Variants in JHY observed in about 807,000 individuals in gnomAD.
The protein encoded by JHY is junctional cadherin complex regulator.
A neutral mutation model predicts 78.0 loss-of-function variants in JHY; 69 were observed. That is an observed-to-expected ratio of 0.88 (90% CI 0.73 to 1.08). The LOEUF (loss-of-function observed/expected upper bound fraction) is 1.08. Among genes scored for constraint, JHY ranks in the 50% least tolerant of loss-of-function variants. The pLI is 0.00. For synonymous variants in JHY, 368 were observed against 342.6 expected (o/e 1.07, Z -0.82); for missense variants, 944 against 927.8 (o/e 1.02, Z -0.23).
Position 122,956,594 on chromosome 11 carries a change from A to G in JHY, c.2010+18A>G. ...GAGACAAAGTGAGTGAGATGCACAT[A>G]CAGTGTTTCCAGACCTGACTCAGCC... On this transcript the variant is annotated intron_variant, in intron 7 of 8. Transcript: ENST00000227349. 1 of 1,609,978 alleles carries G rather than the reference A, an allele frequency of 6.2e-7. No individual in the cohort carries two copies. The highest frequency in any genetic ancestry group is 8.5e-7 in the Non-Finnish European group (1 of 1,176,976).
At chr11:122,952,154 C>A (rs1332866214) in intron 6 of JHY, among the ~76,000 whole-genome samples, 1 of 151,898 alleles carries the variant, frequency 6.6e-6, no homozygotes, top group Non-Finnish European at 1.5e-5. Context: ...GCGGAGGGGG[C>A]AAAGGGAGTA....
intron 6 of JHY, among the ~76,000 whole-genome samples, chr11:122,953,085 T>G (rs1032691273): frequency 6.6e-6 from 1 of 152,218 alleles, no homozygotes; most frequent in Non-Finnish European, 1.5e-5. Flanking sequence ...ACATATTCAT[T>G]TTATTTCAAT....
chr11:122,957,645 T>G (rs1406606286), intron 8 of JHY, among the ~76,000 whole-genome samples, 154 bp downstream of exon 8: 1 of 147,678 alleles, frequency 6.8e-6, no homozygotes, highest in African/African-American at 2.5e-5. Context: ...TCCTCCAAAC[T>G]AAGCCTCCCC....
In JHY at chr11:122,934,976, AGTTT is replaced by A. The variant is rs1162953136; in HGVS notation, c.1540_1543del (p.Val514IlefsTer3). 6.2e-7 allele frequency: 1 copy of A among 1,614,044 alleles called. No homozygotes were observed. Among genetic ancestry groups the A allele is most frequent in the Admixed American group, 1.7e-5 (1 of 60,012 alleles). On this transcript the variant is annotated frameshift_variant, in exon 5 of 9. Transcript: ENST00000227349. LOFTEE classifies it high-confidence loss of function. ...GTGCTCCTGAGCCAGAAAGGCTCTCAGTTTGTTTATCACATAAATACTCATGGAT... is the reference window on the plus strand; with the variant it reads ...GTGCTCCTGAGCCAGAAAGGCTCTCAGTTTATCACATAAATACTCATGGAT...
At chr11:122,910,887 A>G (rs1432568288) in intron 3 of JHY, among the ~76,000 whole-genome samples, 1 of 152,186 alleles carries the variant, frequency 6.6e-6, no homozygotes, top group Admixed American at 6.5e-5. Flanking sequence ...ATTAACATAC[A>G]TTGGAAAAAT....
At chr11:122,949,695 G>A (rs1244968584) in intron 6 of JHY, among the ~76,000 whole-genome samples, 2 of 151,844 alleles carry the variant, frequency 1.3e-5, no homozygotes, top group Admixed American at 6.6e-5. Flanking sequence ...CCAACTTCAC[G>A]CTCTCATGTC....
intron 5 of JHY, among the ~76,000 whole-genome samples, chr11:122,939,266 G>A (rs934571536): frequency 6.6e-6 from 1 of 152,078 alleles, no homozygotes; most frequent in Non-Finnish European, 1.5e-5. Flanking sequence ...GATTACAGGC[G>A]TGAGCCACCG....
At chr11:122,887,416 G>A (rs568793078) in intron 2 of JHY, among the ~76,000 whole-genome samples, 115 of 152,204 alleles carry the variant, frequency 7.6e-4, no homozygotes, top group Non-Finnish European at 1.3e-3. Flanking sequence ...TCCACCTCCC[G>A]GGTTCAAGTG....
intron 5 of JHY, among the ~76,000 whole-genome samples, chr11:122,939,276 G>A (rs1444373767): frequency 5.9e-5 from 9 of 151,812 alleles, no homozygotes; most frequent in African/African-American, 9.7e-5. Flanking sequence ...GTGAGCCACC[G>A]CACCCAACCC....
chr11:122,934,740 C>T lies in JHY; in HGVS notation c.1299C>T (p.His433=). ...AAGCCTCAAGGGCACTTAGAAGCCA[C>T]AATCTCAAAGAAACCTCCAATACAT... The part of the protein sequence containing the change: ...DVQASRALRS[H]NLKETSNTFA... Residue 433 remains histidine, a synonymous_variant, in exon 5 of 9, where the codon CAC becomes CAT. Coordinates refer to ENST00000227349, the MANE Select transcript of JHY (RefSeq NM_024806.4). The T allele has an allele frequency of 1.9e-6, 3 of 1,614,196 alleles. No homozygotes were observed. Among genetic ancestry groups the T allele is most frequent in the Non-Finnish European group, 2.5e-6 (3 of 1,180,030 alleles).
At chr11:122,938,946 A>G in intron 5 of JHY, among the ~76,000 whole-genome samples, 1 of 151,214 alleles carries the variant, frequency 6.6e-6, no homozygotes, top group Non-Finnish European at 1.5e-5. Context: ...GCCTAGGTGC[A>G]CAAAATGGAG....
chr11:122,941,753 T>C (rs1863878353), intron 5 of JHY, among the ~76,000 whole-genome samples: 1 of 152,238 alleles, frequency 6.6e-6, no homozygotes, highest in South Asian at 2.1e-4. Flanking sequence ...TGTAAAACAT[T>C]ACATGGTAAC....
At position 122,887,622 on chromosome 11, in the gene JHY, AT is replaced by A. The variant is rs573244822; in HGVS notation, c.344+1443del. Among the ~76,000 whole-genome samples, 925 of 143,600 alleles carry A rather than the reference AT, an allele frequency of 6.4e-3. 2 individuals are homozygous for A. Among genetic ancestry groups the A allele is most frequent in the African/African-American group, 9.1e-3 (357 of 39,362 alleles). The allele number at this position is 143,600 out of a possible 152,430, so 94.2% of individuals were successfully genotyped here. A position where few individuals can be genotyped will look rare whatever the true frequency, so the allele number is the denominator to read the frequency against. ...AGGCGTGAGCCACTGTGCCCGGCCG[AT>A]TTTTTTTTTTTTTAATTCAGGCTGA... On this transcript the variant is annotated intron_variant, in intron 2 of 8. Coordinates refer to ENST00000227349, the MANE Select transcript of JHY (RefSeq NM_024806.4).
At position 122,963,716 on chromosome 11, in the gene JHY, A is replaced by C. The variant is rs1010758246; in HGVS notation, c.*4271A>C. Among the ~76,000 whole-genome samples, 1 of 152,184 alleles carries C rather than the reference A, an allele frequency of 6.6e-6. No homozygotes were observed. The stretch of plus-strand genomic sequence containing the variant: ...ATTCAAAAGCAAAAAATAATCTGCC[A>C]ATTAGAAAACAAAAAACTTCAAACT... On this transcript the variant is annotated 3_prime_UTR_variant, in exon 9 of 9. Transcript: ENST00000227349.
chr11:122,945,660 T>C (rs1052689602), intron 5 of JHY, among the ~76,000 whole-genome samples: 1 of 152,240 alleles, frequency 6.6e-6, no homozygotes, highest in African/African-American at 2.4e-5. Context: ...TTGTATTTGC[T>C]TCTGCCAGAT....
At chr11:122,889,855 T>G (rs1862572279) in intron 2 of JHY, among the ~76,000 whole-genome samples, 1 of 151,894 alleles carries the variant, frequency 6.6e-6, no homozygotes, top group African/African-American at 2.4e-5. Flanking sequence ...GCCTCCCGGG[T>G]TCAAATGATT....
At chr11:122,923,803 C>T (rs1269125139) in intron 3 of JHY, among the ~76,000 whole-genome samples, 1 of 151,690 alleles carries the variant, frequency 6.6e-6, no homozygotes, top group African/African-American at 2.4e-5. Context: ...CAGCAACCTC[C>T]GCCTCCCAGG....
At chr11:122,905,620 C>T in intron 3 of JHY, 1 of 985,812 alleles carries the variant, frequency 1.0e-6, no homozygotes, top group Non-Finnish European at 1.2e-6. Flanking sequence ...GTAATCCCAG[C>T]ACTTTGGGAG....
chr11:122,934,402 C>T lies in JHY; in HGVS notation c.979-18C>T. The T allele has an allele frequency of 6.8e-7, 1 of 1,473,322 alleles. No homozygotes were observed. Among genetic ancestry groups the T allele is most frequent in the Non-Finnish European group, 9.1e-7 (1 of 1,102,784 alleles). 91.3% of individuals were successfully genotyped at this position (1,473,322 alleles called of 1,614,324 possible). A position where few individuals can be genotyped will look rare whatever the true frequency, so the allele number is the denominator to read the frequency against. On this transcript the variant is annotated intron_variant, in intron 4 of 8. Coordinates refer to ENST00000227349, the MANE Select transcript of JHY (RefSeq NM_024806.4). ...TGCCAGTCTTCTAATTTTACATTAA[C>T]CAAAAATATCTCTTTAGAATTACCA...
Sources: gnomAD v4.1 joint callset for allele counts (sites outside exome capture counted in the v4.1 genomes callset) on GRCh38, gnomAD v4.1.1 for gene constraint, MANE v1.5 for transcripts, NCBI Gene and HGNC (gene_info 2026-07-23, HGNC 2026-07-21) for gene names.